Variants in TMEM161B observed in about 807,000 individuals in gnomAD.
TMEM161B encodes the protein transmembrane protein 161B.
Under a neutral mutation model 61.8 loss-of-function variants are expected in TMEM161B, and 34 were observed. The ratio of observed to expected loss-of-function variants is 0.55; its 90% CI spans 0.42 to 0.73. TMEM161B has a LOEUF of 0.73. Ranked by LOEUF, TMEM161B falls within the 30% of genes least tolerant of loss-of-function variation. TMEM161B has a pLI of 0.00. For missense variants in TMEM161B, 456 were observed against 558.5 expected, an observed-to-expected ratio of 0.82 and a Z score of 1.85; for synonymous variants, 167 against 192.8, an observed-to-expected ratio of 0.87 and a Z score of 1.11.
At chr5:88,233,682 A>G (rs1045459576) in intron 2 of TMEM161B, among the ~76,000 whole-genome samples, 2 of 152,196 alleles carry the variant, frequency 1.3e-5, no homozygotes, top group African/African-American at 4.8e-5. Context: ...AAAGGTAGAG[A>G]GTGAACAAAA....
chr5:88,235,981 A>G (rs1418156158), intron 2 of TMEM161B, among the ~76,000 whole-genome samples: 2 of 152,196 alleles, frequency 1.3e-5, no homozygotes, highest in Non-Finnish European at 2.9e-5. Flanking sequence ...CATTCCGTTA[A>G]GGGTAGTAGC....
intron 4 of TMEM161B, chr5:88,221,623 A>C: frequency 2.2e-6 from 1 of 448,406 alleles, no homozygotes; most frequent in Non-Finnish European, 4.5e-6. Context: ...TCCATTCTTA[A>C]GAGTTTACAT....
chr5:88,244,924 C>T (rs960600053), intron 1 of TMEM161B, among the ~76,000 whole-genome samples: 6 of 151,732 alleles, frequency 4.0e-5, no homozygotes, highest in African/African-American at 7.3e-5. Context: ...AGATTGCATT[C>T]GTGACCTGGC....
At chr5:88,241,348 C>T (rs891466146) in intron 1 of TMEM161B, among the ~76,000 whole-genome samples, 1 of 151,772 alleles carries the variant, frequency 6.6e-6, no homozygotes, top group Admixed American at 6.6e-5. Context: ...TGAGGGACAA[C>T]TGTTAAATTC....
intron 2 of TMEM161B, among the ~76,000 whole-genome samples, chr5:88,239,150 G>A (rs1031019150): frequency 6.6e-6 from 1 of 151,862 alleles, no homozygotes; most frequent in Non-Finnish European, 1.5e-5. Flanking sequence ...TATTAATAAA[G>A]ATAATCAGCT....
At chr5:88,190,121 G>A (rs2112295724), downstream of TMEM161B, 1 of 700,934 alleles carries the variant, frequency 1.4e-6, no homozygotes, top group African/African-American at 1.7e-5. Flanking sequence ...CCCACCCAGA[G>A]AAGGTACACA....
chr5:88,225,726 T>C, intron 4 of TMEM161B, 43 bp downstream of exon 4: 1 of 1,327,596 alleles, frequency 7.5e-7, no homozygotes, highest in Non-Finnish European at 1.1e-6. Flanking sequence ...TACTATAATA[T>C]AAAACTGAGA....
chr5:88,197,636 A>G (rs769568163), intron 11 of TMEM161B, 33 bp downstream of exon 11: 9 of 1,541,464 alleles, frequency 5.8e-6, no homozygotes, highest in Non-Finnish European at 8.0e-6. Context: ...GTAGAAAGTA[A>G]AAGATGCTTC....
intron 1 of TMEM161B, among the ~76,000 whole-genome samples, chr5:88,267,926 C>T (rs1756620408): frequency 6.6e-6 from 1 of 152,172 alleles, no homozygotes; most frequent in Non-Finnish European, 1.5e-5. Flanking sequence ...CAGTCTGAAA[C>T]AACATATACA....
chr5:88,199,972 A>C (rs1744071209), intron 9 of TMEM161B: 1 of 152,024 alleles, frequency 6.6e-6, no homozygotes, highest in Non-Finnish European at 1.5e-5. Context: ...AGGCACTTAA[A>C]ATGACTATTG....
At chr5:88,194,668 C>A (rs971276829), downstream of TMEM161B, among the ~76,000 whole-genome samples, 3 of 152,040 alleles carry the variant, frequency 2.0e-5, no homozygotes, top group African/African-American at 4.8e-5. Flanking sequence ...TTTAAATCTA[C>A]ACCCAAAGAC....
intron 3 of TMEM161B, among the ~76,000 whole-genome samples, chr5:88,227,228 A>C (rs188649642): frequency 6.6e-6 from 1 of 152,322 alleles, no homozygotes; most frequent in East Asian, 1.9e-4. Flanking sequence ...TAGTAGCTAT[A>C]AATGGGTGGA....
At chr5:88,207,957 C>T (rs1006281049) in intron 5 of TMEM161B, among the ~76,000 whole-genome samples, 6 of 152,138 alleles carry the variant, frequency 3.9e-5, no homozygotes, top group African/African-American at 1.4e-4. Context: ...TGCCATATGC[C>T]GGGCATTACC....
downstream of TMEM161B, among the ~76,000 whole-genome samples, chr5:88,193,434 T>C (rs557952501): frequency 1.3e-5 from 2 of 152,244 alleles, no homozygotes; most frequent in South Asian, 4.1e-4. Context: ...TTACATAAAG[T>C]ACAAACTCTT....
chr5:88,221,018 T>C (rs950243078), intron 4 of TMEM161B, among the ~76,000 whole-genome samples: 3 of 152,218 alleles, frequency 2.0e-5, no homozygotes, highest in Non-Finnish European at 4.4e-5. Context: ...TTGTCTTAAC[T>C]GATTAGCTAC....
At chr5:88,226,353 T>A (rs1486445969) in intron 3 of TMEM161B, among the ~76,000 whole-genome samples, 1 of 152,240 alleles carries the variant, frequency 6.6e-6, no homozygotes, top group Non-Finnish European at 1.5e-5. Context: ...GAATAGTTTT[T>A]ACTAAAAATC....
At chr5:88,232,751 T>A (rs763409309) in intron 2 of TMEM161B, among the ~76,000 whole-genome samples, 10 of 152,216 alleles carry the variant, frequency 6.6e-5, no homozygotes, top group Admixed American at 1.3e-4. Context: ...TTTTTTGTAT[T>A]TTTTAGTAGA....
intron 1 of TMEM161B, chr5:88,250,551 C>G (rs1307868749): frequency 3.9e-5 from 6 of 152,086 alleles, no homozygotes; most frequent in Non-Finnish European, 7.3e-5. Flanking sequence ...CTCCCTAAAC[C>G]AAGACTCTCT....
At position 88,268,566 on chromosome 5, in the gene TMEM161B, G is replaced by C. The variant is rs529274617; in HGVS notation, c.3+155C>G. Among the ~76,000 whole-genome samples the C allele has an allele frequency of 3.1e-3, 471 of 152,318 alleles. 1 individual carries two copies. Among genetic ancestry groups the C allele is most frequent in the Non-Finnish European group, 5.6e-3 (384 of 68,030 alleles). ...GTAATGCTGCTTCCTCAGGGGCTCAGACACCCTGAGATAGGTGGTGGGTCC... is the reference window on the plus strand; with the variant it reads ...GTAATGCTGCTTCCTCAGGGGCTCACACACCCTGAGATAGGTGGTGGGTCC... On this transcript the variant is annotated intron_variant, in intron 1 of 11. Transcript: ENST00000296595.
Sources: gnomAD v4.1 joint callset for allele counts (sites outside exome capture counted in the v4.1 genomes callset) on GRCh38, gnomAD v4.1.1 for gene constraint, MANE v1.5 for transcripts, NCBI Gene and HGNC (gene_info 2026-07-23, HGNC 2026-07-21) for gene names.